VAV3: variants seen among roughly 807,000 people sequenced by gnomAD.
The protein encoded by VAV3 is vav guanine nucleotide exchange factor 3, also known as guanine nucleotide exchange factor VAV3.
A neutral mutation model predicts 131.2 loss-of-function variants in VAV3; 94 were observed. That is an observed-to-expected ratio of 0.72 (90% CI 0.61 to 0.85). The LOEUF is 0.85. Ranked by LOEUF, VAV3 falls within the 40% of genes least tolerant of loss-of-function variation. The pLI, the probability that VAV3 is intolerant of heterozygous loss-of-function variation, is 0.00. For missense variants in VAV3, 939 were observed against 1,002.7 expected, an observed-to-expected ratio of 0.94 and a Z score of 0.86; for synonymous variants, 349 against 342.0, an observed-to-expected ratio of 1.02 and a Z score of -0.22.
At chr1:107,695,143 G>C (rs562897111) in intron 17 of VAV3, among the ~76,000 whole-genome samples, 1 of 152,112 alleles carries the variant, frequency 6.6e-6, no homozygotes, top group African/African-American at 2.4e-5. Context: ...AAAGAGAGTC[G>C]TGTTATAGGT....
chr1:107,738,979 C>T (rs1397078275), intron 15 of VAV3, among the ~76,000 whole-genome samples: 8 of 152,112 alleles, frequency 5.3e-5, no homozygotes, highest in Non-Finnish European at 1.2e-4. Context: ...AAGAAAAAAA[C>T]AACAACAGAT....
chr1:107,930,844 C>T (rs765371176), intron 1 of VAV3, among the ~76,000 whole-genome samples: 3 of 152,152 alleles, frequency 2.0e-5, no homozygotes, highest in South Asian at 2.1e-4. Flanking sequence ...TACACTGCAT[C>T]GGCTATGATG....
intron 2 of VAV3, among the ~76,000 whole-genome samples, chr1:107,805,243 C>G (rs1241846383): frequency 6.6e-6 from 1 of 152,136 alleles, no homozygotes; most frequent in Non-Finnish European, 1.5e-5. Flanking sequence ...TTTGAATAAT[C>G]TTTCTACTCC....
chr1:107,797,382 T>C (rs1666600516), intron 2 of VAV3, among the ~76,000 whole-genome samples: 1 of 152,324 alleles, frequency 6.6e-6, no homozygotes, highest in Non-Finnish European at 1.5e-5. Context: ...CTACTAGGTG[T>C]CAGGGATGAA....
At chr1:107,832,475 G>A (rs1676777380) in intron 2 of VAV3, among the ~76,000 whole-genome samples, 1 of 152,176 alleles carries the variant, frequency 6.6e-6, no homozygotes, top group South Asian at 2.1e-4. Flanking sequence ...CAATCCAAAA[G>A]GCAGTCCCAC....
At chr1:107,901,547 G>A (rs1271029824) in intron 1 of VAV3, among the ~76,000 whole-genome samples, 2 of 152,172 alleles carry the variant, frequency 1.3e-5, no homozygotes, top group Admixed American at 1.3e-4. Context: ...GTGTGGTGGT[G>A]TGTAATCTTA....
chr1:107,800,663 T>C (rs1021818722), intron 2 of VAV3, among the ~76,000 whole-genome samples: 5 of 152,148 alleles, frequency 3.3e-5, no homozygotes, highest in Admixed American at 3.3e-4. Flanking sequence ...CATTTACCTA[T>C]TTTTTAAATC....
At chr1:107,858,614 A>T (rs1371440061) in intron 2 of VAV3, among the ~76,000 whole-genome samples, 1 of 152,128 alleles carries the variant, frequency 6.6e-6, no homozygotes, top group Non-Finnish European at 1.5e-5. Flanking sequence ...CAAGCGAGGG[A>T]ACTAGGTTGT....
intron 2 of VAV3, among the ~76,000 whole-genome samples, chr1:107,853,324 C>T (rs890960730): frequency 6.6e-6 from 1 of 152,138 alleles, no homozygotes; most frequent in Admixed American, 6.5e-5. Context: ...TAAATGCAAT[C>T]ATCTATGCTG....
At chr1:107,816,843 G>A (rs893740620) in intron 2 of VAV3, among the ~76,000 whole-genome samples, 1 of 152,100 alleles carries the variant, frequency 6.6e-6, no homozygotes, top group Non-Finnish European at 1.5e-5. Flanking sequence ...AGAGGTTCAG[G>A]GATGGTCCCC....
At chr1:107,908,633 A>T (rs1283850342) in intron 1 of VAV3, among the ~76,000 whole-genome samples, 1 of 152,188 alleles carries the variant, frequency 6.6e-6, no homozygotes, top group African/African-American at 2.4e-5. Context: ...TGAGAACTAA[A>T]TTATGCATAC....
At chr1:107,786,215 T>C (rs1442568058) in intron 2 of VAV3, among the ~76,000 whole-genome samples, 1 of 152,256 alleles carries the variant, frequency 6.6e-6, no homozygotes, top group Non-Finnish European at 1.5e-5. Flanking sequence ...ATCCAAATTA[T>C]AGTTTGTGCT....
intron 25 of VAV3, among the ~76,000 whole-genome samples, chr1:107,587,509 A>T (rs775799053): frequency 2.6e-5 from 4 of 152,216 alleles, no homozygotes; most frequent in African/African-American, 7.2e-5. Flanking sequence ...CAGGGCTGTT[A>T]TATGAAAGCA....
intron 19 of VAV3, among the ~76,000 whole-genome samples, chr1:107,676,534 G>A (rs902634310): frequency 3.9e-5 from 6 of 152,140 alleles, no homozygotes; most frequent in African/African-American, 7.2e-5. Flanking sequence ...GATATCAGTT[G>A]GAGTCCCTGG....
At chr1:107,923,836 A>C (rs577187346) in intron 1 of VAV3, among the ~76,000 whole-genome samples, 1 of 152,184 alleles carries the variant, frequency 6.6e-6, no homozygotes, top group African/African-American at 2.4e-5. Flanking sequence ...AACCATATCA[A>C]GGCCCAAGGG....
intron 12 of VAV3, among the ~76,000 whole-genome samples, chr1:107,754,213 G>A (rs1223376976): frequency 6.6e-6 from 1 of 152,100 alleles, no homozygotes; most frequent in Non-Finnish European, 1.5e-5. Flanking sequence ...GAATCTTGAA[G>A]ACAACAACAA....
intron 1 of VAV3, among the ~76,000 whole-genome samples, chr1:107,903,139 G>GA (rs1481477667): frequency 4.6e-5 from 7 of 151,986 alleles, no homozygotes; most frequent in Non-Finnish European, 5.9e-5. Flanking sequence ...GTGCTATAGA[G>GA]AAAAAATGAG....
chr1:107,624,492 A>G (rs1400908856), intron 20 of VAV3, among the ~76,000 whole-genome samples: 1 of 152,064 alleles, frequency 6.6e-6, no homozygotes, highest in East Asian at 1.9e-4. Context: ...AGGTAAGCCA[A>G]AACCCACGTT....
chr1:107,636,031 T>C (rs1654905740), intron 20 of VAV3, among the ~76,000 whole-genome samples: 2 of 152,220 alleles, frequency 1.3e-5, no homozygotes, highest in Admixed American at 1.3e-4. Flanking sequence ...AACTCTACCT[T>C]GTACATAAAA....
Sources: allele counts gnomAD v4.1 joint callset (sites outside exome capture counted in the v4.1 genomes callset), GRCh38; gene constraint gnomAD v4.1.1; transcripts MANE v1.5; gene names NCBI Gene and HGNC (gene_info 2026-07-23, HGNC 2026-07-21).